CALN1: variants seen among roughly 807,000 people sequenced by gnomAD.
CALN1 encodes calcium-binding protein 8.
A neutral mutation model predicts 30.6 loss-of-function variants in CALN1; 17 were observed. The observed-to-expected ratio is 0.56, with a 90% CI of 0.38 to 0.83. The LOEUF (loss-of-function observed/expected upper bound fraction) is 0.83, where lower values mean the gene tolerates loss of function less well. CALN1 is among the 40% of genes least tolerant of loss of function. The pLI, the probability that CALN1 is intolerant of heterozygous loss-of-function variation, is 0.00. For synonymous variants in CALN1, 156 were observed against 131.4 expected (o/e 1.19, Z -1.28); for missense variants, 291 against 354.9 (o/e 0.82, Z 1.45).
chr7:72,249,935 T>C (rs932666383), intron 3 of CALN1, among the ~76,000 whole-genome samples: 4 of 81,844 alleles, frequency 4.9e-5, no homozygotes. Flanking sequence ...AGACCCTATC[T>C]CAAAACAAAC....
chr7:72,393,741 GCTTTT>G (rs1353345455), intron 2 of CALN1, among the ~76,000 whole-genome samples: 1 of 115,046 alleles, frequency 8.7e-6, no homozygotes, highest in Non-Finnish European at 1.7e-5. Flanking sequence ...TGACCATAGA[GCTTTT>G]TTTTTTTTTT....
chr7:72,445,850 A>T (rs972175534), intron 1 of CALN1, among the ~76,000 whole-genome samples: 1 of 151,898 alleles, frequency 6.6e-6, no homozygotes, highest in African/African-American at 2.4e-5. Flanking sequence ...ATGGTTCAGA[A>T]CTCTGCAGGC....
At chr7:71,987,036 G>A (rs1798708822) in intron 5 of CALN1, among the ~76,000 whole-genome samples, 3 of 151,806 alleles carry the variant, frequency 2.0e-5, no homozygotes. Context: ...GGAGGCAGGA[G>A]AATCACTTGA....
intron 3 of CALN1, among the ~76,000 whole-genome samples, chr7:72,160,079 C>T (rs1181304723): frequency 6.6e-6 from 1 of 152,072 alleles, no homozygotes; most frequent in Non-Finnish European, 1.5e-5. Flanking sequence ...ACAAGTCCAT[C>T]TGGTATTCCC....
intron 4 of CALN1, among the ~76,000 whole-genome samples, chr7:72,082,278 G>A (rs377419444): frequency 2.6e-5 from 4 of 151,994 alleles, no homozygotes; most frequent in African/African-American, 4.8e-5. Flanking sequence ...GAGCCACCTC[G>A]CTCCGCCGGA....
intron 5 of CALN1, among the ~76,000 whole-genome samples, chr7:71,967,639 A>AAAAAAG (rs555970609): frequency 0.038 from 5,362 of 142,390 alleles, 273 homozygotes; most frequent in African/African-American, 0.11. Flanking sequence ...AAAAAAAAAA[A>AAAAAAG]AAAGAAAGAA....
intron 4 of CALN1, among the ~76,000 whole-genome samples, chr7:72,028,539 T>G (rs1359161918): frequency 6.6e-6 from 1 of 152,170 alleles, no homozygotes; most frequent in Non-Finnish European, 1.5e-5. Context: ...GCACTCAGGA[T>G]CCTATGGGCA....
intron 2 of CALN1, among the ~76,000 whole-genome samples, chr7:72,360,861 T>TGAGA (rs1392993315): frequency 2.0e-5 from 3 of 151,678 alleles, no homozygotes; most frequent in African/African-American, 7.3e-5. Context: ...CCTACATAGC[T>TGAGA]GAGATTACAG....
intron 4 of CALN1, among the ~76,000 whole-genome samples, chr7:72,090,402 G>A (rs1365274309): frequency 6.6e-6 from 1 of 152,088 alleles, no homozygotes; most frequent in Non-Finnish European, 1.5e-5. Context: ...AAGTAGCAGA[G>A]GGAATTTTAA....
At chr7:72,218,658 C>A (rs1793033065) in intron 3 of CALN1, among the ~76,000 whole-genome samples, 1 of 152,062 alleles carries the variant, frequency 6.6e-6, no homozygotes, top group African/African-American at 2.4e-5. Flanking sequence ...TATACAATGT[C>A]TAAGTAAACA....
chr7:72,162,738 CAAAACAAA>C (rs1204667437), intron 3 of CALN1, among the ~76,000 whole-genome samples: 2 of 151,930 alleles, frequency 1.3e-5, no homozygotes, highest in Non-Finnish European at 2.9e-5. Flanking sequence ...GACTCTGTCT[CAAAACAAA>C]AAAACAAAAA....
intron 5 of CALN1, among the ~76,000 whole-genome samples, chr7:71,810,949 G>A (rs1787917640): frequency 6.7e-6 from 1 of 149,144 alleles, no homozygotes; most frequent in Admixed American, 6.7e-5. Flanking sequence ...AGGCTGGAGT[G>A]CAGCGGCGAG....
At chr7:71,893,122 C>T (rs538458785) in intron 5 of CALN1, among the ~76,000 whole-genome samples, 1 of 152,268 alleles carries the variant, frequency 6.6e-6, no homozygotes, top group South Asian at 2.1e-4. Context: ...GATAAGCTAT[C>T]TTATCCTGGT....
At chr7:72,166,942 T>C (rs1422170094) in intron 3 of CALN1, among the ~76,000 whole-genome samples, 2 of 151,648 alleles carry the variant, frequency 1.3e-5, no homozygotes, top group African/African-American at 4.8e-5. Flanking sequence ...GCTGAGGAAT[T>C]AGAATTGCTT....
intron 3 of CALN1, among the ~76,000 whole-genome samples, chr7:72,198,045 C>T (rs1791156307): frequency 6.6e-6 from 1 of 151,992 alleles, no homozygotes; most frequent in African/African-American, 2.4e-5. Context: ...AAGTGCCTAG[C>T]GCTCCCTGAT....
chr7:71,902,350 A>G (rs995141124), intron 5 of CALN1, among the ~76,000 whole-genome samples: 5 of 152,226 alleles, frequency 3.3e-5, no homozygotes, highest in African/African-American at 1.2e-4. Context: ...AATGCAAATT[A>G]TAACTACAAT....
At chr7:71,847,070 G>C (rs1790307344) in intron 5 of CALN1, among the ~76,000 whole-genome samples, 2 of 151,568 alleles carry the variant, frequency 1.3e-5, no homozygotes, top group African/African-American at 2.4e-5. Context: ...AGAGACCCAA[G>C]AGAGCTGATG....
chr7:72,251,054 T>C (rs1795520410), intron 3 of CALN1, among the ~76,000 whole-genome samples: 1 of 152,158 alleles, frequency 6.6e-6, no homozygotes, highest in Non-Finnish European at 1.5e-5. Context: ...CCAATCATCT[T>C]GGAGCTGAGG....
At chr7:72,170,164 GTA>G (rs1347072549) in intron 3 of CALN1, among the ~76,000 whole-genome samples, 1 of 151,962 alleles carries the variant, frequency 6.6e-6, no homozygotes, top group African/African-American at 2.4e-5. Flanking sequence ...TTTACATTTT[GTA>G]GAGACAGGAT....
Sources: allele counts gnomAD v4.1 joint callset (sites outside exome capture counted in the v4.1 genomes callset), GRCh38; gene constraint gnomAD v4.1.1; transcripts MANE v1.5; gene names NCBI Gene and HGNC (gene_info 2026-07-23, HGNC 2026-07-21).